KCNQ5: variants seen among roughly 807,000 people sequenced by gnomAD.
The protein encoded by KCNQ5 is potassium voltage-gated channel subfamily Q member 5.
In KCNQ5, 30 loss-of-function variants were observed where a neutral mutation model predicts 98.2. The observed-to-expected ratio is 0.31, with a 90% CI of 0.23 to 0.41. KCNQ5 has a LOEUF of 0.41. Among genes scored for constraint, KCNQ5 ranks in the 10% least tolerant of loss-of-function variants. The pLI, the probability that KCNQ5 is intolerant of heterozygous loss-of-function variation, is 1.00. For missense variants in KCNQ5, 835 were observed against 1,182.5 expected, an observed-to-expected ratio of 0.71 and a Z score of 4.31; for synonymous variants, 458 against 449.4, an observed-to-expected ratio of 1.02 and a Z score of -0.24.
chr6:72,803,628 G>A (rs931736538), intron 1 of KCNQ5, among the ~76,000 whole-genome samples: 1 of 152,060 alleles, frequency 6.6e-6, no homozygotes, highest in Non-Finnish European at 1.5e-5. Flanking sequence ...TAATTGTTAT[G>A]TAGTTTTGAG....
chr6:73,091,782 G>C (rs1471897907), intron 5 of KCNQ5, among the ~76,000 whole-genome samples: 1 of 151,460 alleles, frequency 6.6e-6, no homozygotes, highest in Non-Finnish European at 1.5e-5. Flanking sequence ...TTGTTTGTTT[G>C]TTTTGGCTTA....
intron 1 of KCNQ5, among the ~76,000 whole-genome samples, chr6:72,678,808 G>A (rs1276345050): frequency 1.3e-5 from 2 of 152,056 alleles, no homozygotes; most frequent in Non-Finnish European, 2.9e-5. Flanking sequence ...ATTTTCTGCT[G>A]CTTTCAAGAA....
intron 1 of KCNQ5, among the ~76,000 whole-genome samples, chr6:72,752,416 T>G (rs1364860777): frequency 1.3e-5 from 2 of 152,064 alleles, no homozygotes; most frequent in African/African-American, 4.8e-5. Context: ...TGAGAGAAGT[T>G]TAGGCAAAGA....
intron 1 of KCNQ5, among the ~76,000 whole-genome samples, chr6:72,658,375 G>A (rs1766304213): frequency 6.6e-6 from 1 of 150,684 alleles, no homozygotes; most frequent in Admixed American, 6.6e-5. Context: ...CTGCCTCCCA[G>A]ATTCAAGCGA....
chr6:72,702,532 GA>G (rs1383349222), intron 1 of KCNQ5, among the ~76,000 whole-genome samples: 1 of 152,160 alleles, frequency 6.6e-6, no homozygotes, highest in Non-Finnish European at 1.5e-5. Context: ...TCGAAGTAGA[GA>G]AAGATGTGTT....
At chr6:72,648,605 A>C (rs763539625) in intron 1 of KCNQ5, among the ~76,000 whole-genome samples, 1 of 152,006 alleles carries the variant, frequency 6.6e-6, no homozygotes, top group Non-Finnish European at 1.5e-5. Context: ...TTTAATGTTT[A>C]GACTTGGTAG....
At chr6:72,709,364 C>T (rs6903897) in intron 1 of KCNQ5, among the ~76,000 whole-genome samples, 8,624 of 152,168 alleles carry the variant, frequency 0.057, 793 homozygotes, top group African/African-American at 0.19. Context: ...AAAAAAATAA[C>T]AGTCTGGGGT....
At chr6:72,725,004 C>T (rs1236494033) in intron 1 of KCNQ5, among the ~76,000 whole-genome samples, 1 of 151,964 alleles carries the variant, frequency 6.6e-6, no homozygotes, top group East Asian at 1.9e-4. Flanking sequence ...CTTGGTTCAC[C>T]CAAGATAAAA....
intron 1 of KCNQ5, among the ~76,000 whole-genome samples, chr6:72,852,550 G>A (rs1777305428): frequency 6.8e-6 from 1 of 146,228 alleles, no homozygotes; most frequent in Non-Finnish European, 1.5e-5. Flanking sequence ...ATATATCGGA[G>A]CAAAAAAAAG....
intron 1 of KCNQ5, among the ~76,000 whole-genome samples, chr6:72,634,864 G>A (rs1003773937): frequency 3.9e-5 from 6 of 152,092 alleles, no homozygotes; most frequent in Non-Finnish European, 7.4e-5. Context: ...CACTGCGCCC[G>A]GCCTTCATTC....
At chr6:73,017,477 A>G (rs924840990) in intron 2 of KCNQ5, among the ~76,000 whole-genome samples, 1 of 152,148 alleles carries the variant, frequency 6.6e-6, no homozygotes, top group Non-Finnish European at 1.5e-5. Context: ...AGCTGGAAGC[A>G]ATAGGGTAGG....
intron 1 of KCNQ5, among the ~76,000 whole-genome samples, chr6:72,635,903 G>A (rs1290569359): frequency 1.3e-5 from 2 of 151,884 alleles, no homozygotes; most frequent in Non-Finnish European, 2.9e-5. Context: ...TCTAGAAAAT[G>A]TGGATTTTAG....
At chr6:73,183,522 G>T (rs1778471546) in intron 11 of KCNQ5, among the ~76,000 whole-genome samples, 1 of 152,320 alleles carries the variant, frequency 6.6e-6, no homozygotes, top group Admixed American at 6.5e-5. Flanking sequence ...CAGATGGATA[G>T]TGGGTGCCCA....
At chr6:72,880,996 G>A (rs1449960850) in intron 1 of KCNQ5, among the ~76,000 whole-genome samples, 1 of 152,162 alleles carries the variant, frequency 6.6e-6, no homozygotes, top group East Asian at 1.9e-4. Context: ...TAAAGATGTC[G>A]ACAAGATTCT....
intron 1 of KCNQ5, among the ~76,000 whole-genome samples, chr6:72,685,519 T>G (rs957854205): frequency 6.6e-6 from 1 of 152,200 alleles, no homozygotes; most frequent in Non-Finnish European, 1.5e-5. Context: ...TCAACTACTA[T>G]CCTTGCATTT....
rs755513028 is a variant in KCNQ5 at position 73,195,095 on chromosome 6, G to A, written c.2480G>A (p.Gly827Asp). ...TGTCCCATGGTGCCGAAGGACTTGG[G>A]CAAATCTTTGTCTGTGCAAAACCTG... Reference protein sequence around the residue: ...SVCPMVPKDLGKSLSVQNLIR... With the variant: ...SVCPMVPKDLDKSLSVQNLIR... Residue 827 changes from glycine to aspartate, a missense_variant, in exon 14 of 14, where the codon GGC becomes GAC. By Grantham distance (94) the Gly-to-Asp change is moderately conservative. Transcript: ENST00000370398. The A allele has an allele frequency of 6.2e-7, 1 of 1,614,196 alleles. No individual in the cohort carries two copies. Among genetic ancestry groups the A allele is most frequent in the South Asian group, 1.1e-5 (1 of 91,086 alleles).
rs551863094 is a variant in KCNQ5 at position 73,170,006 on chromosome 6, T to C, written c.1577+152T>C. ...ATATGCCTATTGAATTGTGAAATAT[T>C]TGTTTCTTAATACAAAATTCTGCTG... is the stretch of plus-strand genomic sequence containing the variant. On this transcript the variant is annotated intron_variant, in intron 11 of 13. Transcript: ENST00000370398. 6 of 630,612 alleles carry C rather than the reference T, an allele frequency of 9.5e-6. No homozygotes were observed. The South Asian group carries it at 1.2e-4, about 12-fold the overall frequency. 39.1% of individuals were successfully genotyped at this position (630,612 alleles called of 1,614,324 possible). A position where few individuals can be genotyped will look rare whatever the true frequency, so the allele number is the denominator to read the frequency against.
chr6:72,692,061 G>T (rs1768237193), intron 1 of KCNQ5, among the ~76,000 whole-genome samples: 1 of 152,196 alleles, frequency 6.6e-6, no homozygotes, highest in Non-Finnish European at 1.5e-5. Context: ...CGACCAAATT[G>T]CACTTAATGT....
intron 1 of KCNQ5, among the ~76,000 whole-genome samples, chr6:72,779,599 G>A (rs540279533): frequency 2.2e-4 from 33 of 152,118 alleles, no homozygotes; most frequent in African/African-American, 3.4e-4. Context: ...AGGAATTACC[G>A]AGGAAAAAAA....
Sources: allele counts gnomAD v4.1 joint callset (sites outside exome capture counted in the v4.1 genomes callset), GRCh38; gene constraint gnomAD v4.1.1; transcripts MANE v1.5; gene names NCBI Gene and HGNC (gene_info 2026-07-23, HGNC 2026-07-21).